TRMT11: variants seen among roughly 807,000 people sequenced by gnomAD.
TRMT11 encodes tRNA methyltransferase 11.
TRMT11 carries 53 observed loss-of-function variants against 62.8 expected under a neutral mutation model. That is an observed-to-expected ratio of 0.84 (90% CI 0.68 to 1.06). TRMT11 has a LOEUF of 1.06. Ranked by LOEUF, TRMT11 falls within the 50% of genes least tolerant of loss-of-function variation. The probability of loss-of-function intolerance (pLI) is 0.00; values close to 1 mark genes in which losing one functional copy is unlikely to be tolerated. For missense variants in TRMT11, 556 were observed against 553.4 expected (o/e 1.00, Z -0.05); for synonymous variants, 188 against 190.3 (o/e 0.99, Z 0.10).
chr6:125,997,278 T>C (rs903028175), intron 3 of TRMT11, among the ~76,000 whole-genome samples: 2 of 152,216 alleles, frequency 1.3e-5, no homozygotes, highest in African/African-American at 4.8e-5. Context: ...AAAATTACAA[T>C]TTAACTGTAT....
At chr6:126,263,458 A>T in the TRMT11 span, among the ~76,000 whole-genome samples, 2 of 152,244 alleles carry the variant, frequency 1.3e-5, no homozygotes, top group South Asian at 4.1e-4. Flanking sequence ...TTACAACACA[A>T]AAATCTCCAC....
intron 16 of TRMT11, among the ~76,000 whole-genome samples, chr6:126,044,430 C>T (rs893232620): frequency 3.3e-5 from 5 of 152,126 alleles, no homozygotes; most frequent in Admixed American, 1.3e-4. Context: ...GTTTTGGTAC[C>T]AGTACCATGC....
intron 12 of TRMT11, among the ~76,000 whole-genome samples, chr6:126,025,689 C>G (rs1186012785): frequency 6.6e-6 from 1 of 152,194 alleles, no homozygotes; most frequent in African/African-American, 2.4e-5. Flanking sequence ...AATTGTCAAA[C>G]AGTCCTCACA....
chr6:126,252,215 T>G, the TRMT11 span, among the ~76,000 whole-genome samples: 1 of 152,230 alleles, frequency 6.6e-6, no homozygotes, highest in Non-Finnish European at 1.5e-5. Flanking sequence ...GTGGCAGAGC[T>G]GGGACAGCTG....
At chr6:126,077,893 G>C (rs1239240951) in intron 17 of TRMT11, among the ~76,000 whole-genome samples, 1 of 152,300 alleles carries the variant, frequency 6.6e-6, no homozygotes. Context: ...TATGGTGAGA[G>C]TCAGAGATCC....
chr6:126,192,805 G>T (rs1778618650), intron 1 of TRMT11, among the ~76,000 whole-genome samples: 1 of 152,056 alleles, frequency 6.6e-6, no homozygotes, highest in Non-Finnish European at 1.5e-5. Flanking sequence ...CTTGATCATG[G>T]TAAATTATCT....
chr6:126,038,437 C>CAA (rs72178194), intron 12 of TRMT11, among the ~76,000 whole-genome samples: 5,300 of 128,852 alleles, frequency 0.041, 359 homozygotes, highest in African/African-American at 0.13. Context: ...TGCCCTGAGG[C>CAA]AAAAAAAAAA....
chr6:126,267,009 T>C, the TRMT11 span, among the ~76,000 whole-genome samples: 1 of 152,162 alleles, frequency 6.6e-6, no homozygotes, highest in Non-Finnish European at 1.5e-5. Flanking sequence ...TCATTATTAT[T>C]ATTACTTTTT....
chr6:126,264,759 T>C, the TRMT11 span, among the ~76,000 whole-genome samples: 1 of 152,160 alleles, frequency 6.6e-6, no homozygotes, highest in East Asian at 1.9e-4. Flanking sequence ...ATCTTCTTGG[T>C]TCTACAGCAG....
At chr6:126,098,452 G>A (rs1657870716) in intron 17 of TRMT11, among the ~76,000 whole-genome samples, 1 of 152,050 alleles carries the variant, frequency 6.6e-6, no homozygotes, top group African/African-American at 2.4e-5. Flanking sequence ...TTTTATAATG[G>A]AAAAGAAGGA....
At chr6:126,039,468 T>G (rs1775794445), downstream of TRMT11, among the ~76,000 whole-genome samples, 1 of 152,078 alleles carries the variant, frequency 6.6e-6, no homozygotes, top group South Asian at 2.1e-4. Flanking sequence ...TTGGATTTGC[T>G]CCTGCATTCC....
intron 1 of TRMT11, among the ~76,000 whole-genome samples, chr6:126,189,695 G>A (rs1355842549): frequency 6.6e-6 from 1 of 151,998 alleles, no homozygotes; most frequent in Non-Finnish European, 1.5e-5. Context: ...ATTGTTGGTT[G>A]GGGCTGCGGT....
chr6:126,040,541 T>C (rs1775846164), downstream of TRMT11, among the ~76,000 whole-genome samples: 1 of 152,130 alleles, frequency 6.6e-6, no homozygotes, highest in African/African-American at 2.4e-5. Context: ...TCTTATTACT[T>C]TCGGCGTAAG....
chr6:126,151,822 C>CTTTAGT (rs1554242202), intron 21 of TRMT11, among the ~76,000 whole-genome samples: 28 of 112,412 alleles, frequency 2.5e-4, no homozygotes, highest in South Asian at 3.0e-4. Flanking sequence ...TTCTTTCTTT[C>CTTTAGT]TTTCTTTCTT....
intron 21 of TRMT11, among the ~76,000 whole-genome samples, chr6:126,140,511 G>A (rs112770212): frequency 6.6e-6 from 1 of 152,154 alleles, no homozygotes; most frequent in Non-Finnish European, 1.5e-5. Context: ...GCCATTTCAA[G>A]TATAGTCTTT....
At chr6:126,263,331 C>T in the TRMT11 span, among the ~76,000 whole-genome samples, 2 of 152,122 alleles carry the variant, frequency 1.3e-5, no homozygotes, top group Non-Finnish European at 2.9e-5. Context: ...TGATCTCCAT[C>T]GCTAAGTCTA....
intron 17 of TRMT11, among the ~76,000 whole-genome samples, chr6:126,089,035 T>G (rs1465771426): frequency 6.6e-6 from 1 of 152,170 alleles, no homozygotes; most frequent in East Asian, 1.9e-4. Flanking sequence ...AATATCACCT[T>G]GTCTTATTTT....
chr6:126,025,842 CT>C (rs1772963621), intron 12 of TRMT11, among the ~76,000 whole-genome samples: 1 of 152,174 alleles, frequency 6.6e-6, no homozygotes, highest in African/African-American at 2.4e-5. Context: ...TTCAGTATAA[CT>C]TTTGGCCCAC....
At position 125,995,915 on chromosome 6, in the gene TRMT11, A is replaced by G. The variant is rs549853417; in HGVS notation, c.139-52A>G. On this transcript the variant is annotated intron_variant, in intron 2 of 12. Transcript: ENST00000334379. ...TTATTGACTTCTTGAATAAAAGCAT[A>G]TGAGGCCATGTAGCCACTTAGAATT... is the stretch of plus-strand genomic sequence containing the variant. The G allele has an allele frequency of 3.9e-5, 42 of 1,086,248 alleles. No individual in the cohort carries two copies. The East Asian group carries it at 8.3e-4, about 21-fold the overall frequency. The allele number at this position is 1,086,248 out of a possible 1,614,324, so 67.3% of individuals were successfully genotyped here.
Sources: gnomAD v4.1 joint callset for allele counts (sites outside exome capture counted in the v4.1 genomes callset) on GRCh38, gnomAD v4.1.1 for gene constraint, MANE v1.5 for transcripts, NCBI Gene and HGNC (gene_info 2026-07-23, HGNC 2026-07-21) for gene names.